RECQL5: variants seen among roughly 807,000 people sequenced by gnomAD.
The protein encoded by RECQL5 is ATP-dependent DNA helicase Q5.
RECQL5 carries 88 observed loss-of-function variants against 103.4 expected under a neutral mutation model. The observed-to-expected ratio is 0.85, with a 90% confidence interval of 0.72 to 1.02. The LOEUF is 1.02. Among genes scored for constraint, RECQL5 ranks in the 50% least tolerant of loss-of-function variants. RECQL5 has a pLI of 0.00. For synonymous variants in RECQL5, 552 were observed against 507.9 expected (o/e 1.09, Z -1.17); for missense variants, 1,232 against 1,284.3 (o/e 0.96, Z 0.62).
chr17:75,661,813 C>A, intron 4 of RECQL5, 105 bp from the exon 5 acceptor site: 3 of 781,862 alleles, frequency 3.8e-6, no homozygotes, highest in South Asian at 1.6e-5. Context: ...CTTCTCTCGT[C>A]GGCTTCAGTC....
At chr17:75,630,422 G>T in intron 13 of RECQL5, 145 bp from the exon 14 acceptor site, 1 of 900,512 alleles carries the variant, frequency 1.1e-6, no homozygotes, top group Non-Finnish European at 1.7e-6. Context: ...GTGGCTTACT[G>T]TCCCTCAGCA....
Position 75,630,769 on chromosome 17 carries a change from C to T in RECQL5, c.1644+10G>A, listed in dbSNP as rs202025985. On this transcript the variant is annotated intron_variant, in intron 12 of 19. Transcript: ENST00000317905. ...CCCGGCGGGTGGCTGAGGAGCTGCCCGTCTCTTACCTTCACAGTCAGCCTG... is the reference window on the plus strand; with the variant it reads ...CCCGGCGGGTGGCTGAGGAGCTGCCTGTCTCTTACCTTCACAGTCAGCCTG... The T allele has an allele frequency of 6.4e-5, 101 of 1,570,816 alleles. No homozygotes were observed. Among genetic ancestry groups the T allele is most frequent in the Admixed American group, 9.2e-5 (5 of 54,354 alleles).
chr17:75,629,990 C>A lies in RECQL5; in HGVS notation c.1813-148G>T. The stretch of plus-strand genomic sequence containing the variant: ...GACCACTGGGCAAGTTTTAGGCCTC[C>A]CATCCTCACAGGGTTGGCTAGAAAC... On this transcript the variant is annotated intron_variant, in intron 14 of 19. Transcript: ENST00000317905. 8.5e-7 allele frequency: 1 copy of A among 1,177,466 alleles called. No individual in the cohort carries two copies. The highest frequency in any genetic ancestry group is 1.2e-6 in the Non-Finnish European group (1 of 859,222). 72.9% of individuals were successfully genotyped at this position (1,177,466 alleles called of 1,614,324 possible).
At position 75,662,741 on chromosome 17, in the gene RECQL5, C is replaced by T. The variant is rs745441915; in HGVS notation, c.509G>A (p.Arg170His). 23 of 1,614,004 alleles carry T rather than the reference C, an allele frequency of 1.4e-5. No individual in the cohort carries two copies. Among genetic ancestry groups the T allele is most frequent in the Admixed American group, 1.3e-4 (8 of 60,016 alleles). Residue 170 changes from arginine (R) to histidine (H), a missense_variant, in exon 4 of 20, where the codon CGT becomes CAT. By Grantham distance (29) the Arg-to-His change is conservative. Coordinates refer to ENST00000317905, the MANE Select transcript of RECQL5 (RefSeq NM_004259.7). The part of the protein sequence containing the change: ...HCVSQWGHDF[R>H]PDYLRLGALR... ...GGCACCCAGACGCAAGTAGTCAGGA[C>T]GAAAGTCATGCCCCCATTGGGAAAC... is the stretch of plus-strand genomic sequence containing the variant.
intron 8 of RECQL5, chr17:75,633,828 T>C: frequency 1.0e-6 from 1 of 1,001,852 alleles, no homozygotes. Flanking sequence ...TTTCTTCAGC[T>C]CCCAACCCAG....
chr17:75,632,611 T>C (rs1035192213), intron 8 of RECQL5, among the ~76,000 whole-genome samples: 1 of 152,154 alleles, frequency 6.6e-6, no homozygotes, highest in African/African-American at 2.4e-5. Context: ...CCTCCTGGGG[T>C]GAGCGGCCTC....
intron 8 of RECQL5, among the ~76,000 whole-genome samples, chr17:75,646,985 T>C (rs1568274424): frequency 6.6e-6 from 1 of 152,176 alleles, no homozygotes; most frequent in Non-Finnish European, 1.5e-5. Flanking sequence ...GTTTGGCAGT[T>C]GGGGCAGGAA....
intron 8 of RECQL5, among the ~76,000 whole-genome samples, chr17:75,642,644 G>A (rs1480610361): frequency 6.6e-6 from 1 of 152,246 alleles, no homozygotes; most frequent in Non-Finnish European, 1.5e-5. Context: ...ATGAGGAGGA[G>A]GATGAAGATG....
Position 75,626,935 on chromosome 17 carries a change from G to C in RECQL5, c.*487C>G. On this transcript the variant is annotated 3_prime_UTR_variant, in exon 20 of 20. Coordinates refer to ENST00000317905, the MANE Select transcript of RECQL5 (RefSeq NM_004259.7). Reference sequence around the variant, plus strand: ...TGTCAGGCCTGGCCTTCCTGAGCAGGAGCTGAGCAGGAACAGGGCCTGGCT... The same window carrying C: ...TGTCAGGCCTGGCCTTCCTGAGCAGCAGCTGAGCAGGAACAGGGCCTGGCT... 3 of 353,638 alleles carry C rather than the reference G, an allele frequency of 8.5e-6. No individual in the cohort carries two copies. The highest frequency in any genetic ancestry group is 6.6e-5 in the South Asian group (3 of 45,208). The allele number at this position is 353,638 out of a possible 1,614,324, so 21.9% of individuals were successfully genotyped here. A position where few individuals can be genotyped will look rare whatever the true frequency, so the allele number is the denominator to read the frequency against.
At position 75,665,162 on chromosome 17, in the gene RECQL5, G is replaced by A. The variant is rs145732862; in HGVS notation, c.141C>T (p.Asp47=). The A allele has an allele frequency of 2.2e-5, 35 of 1,608,376 alleles. No homozygotes were observed. In the African/African-American group the frequency reaches 2.3e-4, roughly 10 times the overall value. Residue 47 remains aspartate (D), a synonymous_variant, in exon 3 of 20, where the codon GAC becomes GAT. Transcript: ENST00000317905. ...CCCCTGTGGGCATGCACACAAAGAC[G>A]TCCTTGTTACCTGAAAAAATACAAG... ...ATMAVVKGNK[D]VFVCMPTGAG...
At chr17:75,645,207 T>A (rs1162072627) in intron 8 of RECQL5, among the ~76,000 whole-genome samples, 1 of 152,196 alleles carries the variant, frequency 6.6e-6, no homozygotes, top group African/African-American at 2.4e-5. Flanking sequence ...GTCCCTGATG[T>A]TTAGTTATCA....
At position 75,631,570 on chromosome 17, in the gene RECQL5, C is replaced by T. The variant is rs202152201; in HGVS notation, c.1328G>A (p.Arg443Gln). The T allele has an allele frequency of 4.3e-4, 697 of 1,613,030 alleles. 1 individual carries two copies. The highest frequency in any genetic ancestry group is 3.8e-4 in the Non-Finnish European group (450 of 1,179,922). ...HCQNPTAVRR[R>Q]LEALERSSSW... ...GCTGCTGCGCTCCAAGGCCTCCAGCCGCCTCCGCACGGCCGTGGGGTTCTG... is the reference window on the plus strand; with the variant it reads ...GCTGCTGCGCTCCAAGGCCTCCAGCTGCCTCCGCACGGCCGTGGGGTTCTG... The change falls in exon 9 of 20, where the codon CGG (arginine) becomes CAG (glutamine). Residue 443 changes from arginine (R) to glutamine (Q), a missense_variant. Physicochemically the swap from Arg to Gln is conservative, Grantham distance 43. Coordinates refer to ENST00000317905, the MANE Select transcript of RECQL5 (RefSeq NM_004259.7).
intron 8 of RECQL5, among the ~76,000 whole-genome samples, chr17:75,644,879 G>A (rs1301900428): frequency 6.6e-6 from 1 of 150,954 alleles, no homozygotes; most frequent in Non-Finnish European, 1.5e-5. Flanking sequence ...AATTGAAAGA[G>A]CTGGTCAAAG....
At chr17:75,664,790 G>C (rs2059745317) in intron 3 of RECQL5, among the ~76,000 whole-genome samples, 1 of 151,768 alleles carries the variant, frequency 6.6e-6, no homozygotes, top group Non-Finnish European at 1.5e-5. Context: ...GCATACACCT[G>C]TAATCCCAGC....
intron 8 of RECQL5, chr17:75,650,837 G>T: frequency 6.7e-7 from 1 of 1,488,414 alleles, no homozygotes. Flanking sequence ...AGTGATGCCA[G>T]AAGTCCCAGC....
intron 14 of RECQL5, 75 bp downstream of exon 14, chr17:75,630,109 G>C: frequency 7.7e-7 from 1 of 1,295,600 alleles, no homozygotes; most frequent in Non-Finnish European, 1.1e-6. Context: ...AGCCCAGAGA[G>C]CTGGCAGACA....
At chr17:75,650,828 G>A (rs903755786) in intron 8 of RECQL5, 22 of 1,498,964 alleles carry the variant, frequency 1.5e-5, no homozygotes, top group Non-Finnish European at 2.0e-5. Context: ...GACTACTCAA[G>A]TGATGCCAGA....
chr17:75,650,553 C>G (rs2059541461), intron 8 of RECQL5: 8 of 1,527,150 alleles, frequency 5.2e-6, no homozygotes, highest in Admixed American at 4.0e-5. Context: ...CGTCATCCGA[C>G]AGGATCATTC....
Position 75,640,882 on chromosome 17 carries a change from G to T in RECQL5, c.1230-9214C>A. 6.5e-7 allele frequency: 1 copy of T among 1,545,964 alleles called. No homozygotes were observed. On this transcript the variant is annotated intron_variant, in intron 8 of 19. Coordinates refer to ENST00000317905, the MANE Select transcript of RECQL5 (RefSeq NM_004259.7). This position sits in a 1 kb window ranked among gnomAD's most constrained non-coding sequence, Gnocchi z 4.6. The stretch of plus-strand genomic sequence containing the variant: ...GGAGAGGCAGGAAGGTCCAGGTGCA[G>T]CCGACACCACCATGACGGACGGGCG...
Sources: gnomAD v4.1 joint callset for allele counts (sites outside exome capture counted in the v4.1 genomes callset) on GRCh38, gnomAD v4.1.1 for gene constraint, Gnocchi (gnomAD v3.1) non-coding constraint, MANE v1.5 for transcripts, NCBI Gene and HGNC (gene_info 2026-07-23, HGNC 2026-07-21) for gene names.